ZMAT4: variants seen among roughly 807,000 people sequenced by gnomAD.
ZMAT4 encodes the protein zinc finger matrin-type protein 4.
A neutral mutation model predicts 28.7 loss-of-function variants in ZMAT4; 17 were observed. The observed-to-expected ratio is 0.59, with a 90% CI of 0.41 to 0.89. The LOEUF (loss-of-function observed/expected upper bound fraction) is 0.89. Among genes scored for constraint, ZMAT4 ranks in the 40% least tolerant of loss-of-function variants. The pLI is 0.00. For missense variants in ZMAT4, 240 were observed against 283.8 expected, an observed-to-expected ratio of 0.85 and a Z score of 1.11; for synonymous variants, 117 against 109.2, an observed-to-expected ratio of 1.07 and a Z score of -0.44.
chr8:40,624,011 A>G (rs1468917910), intron 5 of ZMAT4, among the ~76,000 whole-genome samples: 1 of 152,114 alleles, frequency 6.6e-6, no homozygotes, highest in Non-Finnish European at 1.5e-5. Context: ...TCCAGGTCAT[A>G]CTGTTTTTCT....
At chr8:40,870,113 C>A (rs9918738) in intron 1 of ZMAT4, among the ~76,000 whole-genome samples, 1 of 152,104 alleles carries the variant, frequency 6.6e-6, no homozygotes, top group Non-Finnish European at 1.5e-5. Flanking sequence ...AAATGTACAC[C>A]TATAAAGGAA....
intron 2 of ZMAT4, among the ~76,000 whole-genome samples, chr8:40,806,269 A>G (rs927093135): frequency 3.3e-5 from 5 of 152,306 alleles, no homozygotes; most frequent in South Asian, 2.1e-4. Context: ...CTAAACCTCT[A>G]TGGAAGCAAA....
intron 4 of ZMAT4, 21 bp downstream of exon 4, chr8:40,697,224 G>T: frequency 6.3e-7 from 1 of 1,575,984 alleles, no homozygotes; most frequent in Non-Finnish European, 8.6e-7. Flanking sequence ...GTCTCCCCAC[G>T]ATCACTGTTC....
intron 1 of ZMAT4, among the ~76,000 whole-genome samples, chr8:40,828,557 T>TA (rs1300791688): frequency 2.8e-4 from 43 of 152,012 alleles, no homozygotes; most frequent in Admixed American, 2.7e-3. Context: ...ATGTGTATAC[T>TA]AAAAAAAATT....
chr8:40,850,018 G>A (rs1017031132), intron 1 of ZMAT4, among the ~76,000 whole-genome samples: 1 of 152,072 alleles, frequency 6.6e-6, no homozygotes, highest in Admixed American at 6.5e-5. Flanking sequence ...TCTATGAGCA[G>A]GACATGTCGC....
chr8:40,720,826 C>T (rs544045432), intron 3 of ZMAT4, among the ~76,000 whole-genome samples: 4 of 151,722 alleles, frequency 2.6e-5, no homozygotes, highest in Admixed American at 6.6e-5. Context: ...ATGCCCAGCC[C>T]GATAGACTCT....
chr8:40,722,339 A>C (rs1811137946), intron 3 of ZMAT4, among the ~76,000 whole-genome samples: 1 of 152,320 alleles, frequency 6.6e-6, no homozygotes, highest in East Asian at 1.9e-4. Flanking sequence ...TACACCTTAT[A>C]TAGCTTTGTC....
chr8:40,590,535 C>T (rs1804856872), intron 5 of ZMAT4, among the ~76,000 whole-genome samples: 1 of 152,130 alleles, frequency 6.6e-6, no homozygotes, highest in Non-Finnish European at 1.5e-5. Context: ...AAGCTTCCTG[C>T]ATCACCTCCA....
chr8:40,588,926 A>G (rs1427246445), intron 5 of ZMAT4, among the ~76,000 whole-genome samples: 3 of 152,196 alleles, frequency 2.0e-5, no homozygotes, highest in Non-Finnish European at 4.4e-5. Context: ...ACACTCAAAG[A>G]AATATTTACA....
chr8:40,770,506 C>T (rs1813344008), intron 2 of ZMAT4, among the ~76,000 whole-genome samples: 2 of 151,030 alleles, frequency 1.3e-5, no homozygotes, highest in South Asian at 4.2e-4. Flanking sequence ...CCCTCCTTCC[C>T]TCCCTCCCTC....
chr8:40,605,167 G>A lies in ZMAT4; in HGVS notation c.578-23906C>T, dbSNP rs1206161497. Among the ~76,000 whole-genome samples, 2 of 151,992 alleles carry A rather than the reference G, an allele frequency of 1.3e-5. 1 individual carries two copies. The highest frequency in any genetic ancestry group is 4.8e-5 in the African/African-American group (2 of 41,386). ...TTATCTTTTGTATTGTTTTCCGTTT[G>A]TTTCAATTTCATTTAGTTCTGTGCT... On this transcript the variant is annotated intron_variant, in intron 5 of 6. Coordinates refer to ENST00000297737, the MANE Select transcript of ZMAT4 (RefSeq NM_024645.3).
At chr8:40,566,868 G>A (rs1563343289) in intron 6 of ZMAT4, among the ~76,000 whole-genome samples, 1 of 152,004 alleles carries the variant, frequency 6.6e-6, no homozygotes, top group Non-Finnish European at 1.5e-5. Context: ...ATGTGATTTA[G>A]CAGTGGAAAG....
intron 3 of ZMAT4, among the ~76,000 whole-genome samples, chr8:40,760,838 A>T (rs142163179): frequency 2.2e-4 from 34 of 152,034 alleles, no homozygotes; most frequent in African/African-American, 7.5e-4. Flanking sequence ...GCTACAGCAG[A>T]TTTTATCACC....
At chr8:40,601,621 AG>A (rs1805357265) in intron 5 of ZMAT4, among the ~76,000 whole-genome samples, 1 of 25,762 alleles carries the variant, frequency 3.9e-5, no homozygotes, top group African/African-American at 1.0e-4. Flanking sequence ...AAAGAAAGAA[AG>A]AAAGAAAGAA....
chr8:40,614,453 G>A (rs965064483), intron 5 of ZMAT4, among the ~76,000 whole-genome samples: 1 of 152,176 alleles, frequency 6.6e-6, no homozygotes, highest in Non-Finnish European at 1.5e-5. Flanking sequence ...GCTTGGTGCA[G>A]AGCTGAGTTC....
chr8:40,647,134 G>A lies in ZMAT4; in HGVS notation c.577+27570C>T, dbSNP rs531965504. Among the ~76,000 whole-genome samples, 65 of 152,276 alleles carry A rather than the reference G, an allele frequency of 4.3e-4. 1 individual carries two copies. The East Asian group carries it at 0.011, about 25-fold the overall frequency. The stretch of plus-strand genomic sequence containing the variant: ...TCCCAGCGTGAGCGACGCAGAAGAC[G>A]GGTGATTTCTGCATTTCCATCCGAG... On this transcript the variant is annotated intron_variant, in intron 5 of 6. Transcript: ENST00000297737.
At chr8:40,590,518 T>G (rs887699194) in intron 5 of ZMAT4, among the ~76,000 whole-genome samples, 2 of 152,106 alleles carry the variant, frequency 1.3e-5, no homozygotes, top group Admixed American at 6.5e-5. Context: ...CATTGGAATA[T>G]GCATTCAAGC....
At chr8:40,846,510 C>T (rs1816904915) in intron 1 of ZMAT4, among the ~76,000 whole-genome samples, 1 of 152,216 alleles carries the variant, frequency 6.6e-6, no homozygotes, top group Admixed American at 6.5e-5. Flanking sequence ...ATCACCTCCT[C>T]GATGCAGAGT....
At chr8:40,556,345 C>T (rs994876841) in intron 6 of ZMAT4, among the ~76,000 whole-genome samples, 1 of 152,126 alleles carries the variant, frequency 6.6e-6, no homozygotes, top group Non-Finnish European at 1.5e-5. Flanking sequence ...TACAATTCAA[C>T]TCATGATTTT....
Sources: gnomAD v4.1 joint callset for allele counts (sites outside exome capture counted in the v4.1 genomes callset) on GRCh38, gnomAD v4.1.1 for gene constraint, MANE v1.5 for transcripts, NCBI Gene and HGNC (gene_info 2026-07-23, HGNC 2026-07-21) for gene names.